The following CEP85L variants were observed in gnomAD, a reference collection of about 807,000 sequenced individuals.
CEP85L encodes centrosomal protein 85L.
CEP85L carries 60 observed loss-of-function variants against 100.3 expected under a neutral mutation model. The observed-to-expected ratio is 0.60, with a 90% CI of 0.49 to 0.74. CEP85L has a LOEUF of 0.74. Ranked by LOEUF, CEP85L falls within the 30% of genes least tolerant of loss-of-function variation. The pLI is 0.00. For missense variants in CEP85L, 973 were observed against 936.2 expected, an observed-to-expected ratio of 1.04 and a Z score of -0.51; for synonymous variants, 319 against 322.7, an observed-to-expected ratio of 0.99 and a Z score of 0.12.
intron 7 of CEP85L, 68 bp downstream of exon 7, chr6:118,483,638 C>G (rs1415569819): frequency 6.8e-7 from 1 of 1,472,694 alleles, no homozygotes; most frequent in African/African-American, 1.4e-5. Flanking sequence ...TTATAGTTAG[C>G]CAAATTTCTA....
intron 1 of CEP85L, among the ~76,000 whole-genome samples, chr6:118,679,559 T>C (rs1264654909): frequency 1.3e-5 from 2 of 152,228 alleles, no homozygotes; most frequent in East Asian, 3.8e-4. Context: ...TTGCCTAACA[T>C]GTCTTAGTCA....
chr6:118,692,237 G>A (rs1341703939), intron 1 of CEP85L, among the ~76,000 whole-genome samples: 7 of 152,158 alleles, frequency 4.6e-5, no homozygotes. Flanking sequence ...TGCAATATAT[G>A]TTAGAGTATT....
At position 118,469,175 on chromosome 6, in the gene CEP85L, C is replaced by A. The variant is rs1772752575; in HGVS notation, c.2151G>T (p.Lys717Asn). 6.2e-7 allele frequency: 1 copy of A among 1,613,906 alleles called. No homozygotes were observed. The highest frequency in any genetic ancestry group is 1.3e-5 in the African/African-American group (1 of 74,914). ...FDLTVIDQLF[K>N]EMSCCLFDLK... is the part of the protein sequence containing the mutation. ...AGTCAAACAAACAACAGGACATTTC[C>A]TTGAACAGCTGATCAATCACAGTCA... is the stretch of plus-strand genomic sequence containing the variant. Residue 717 changes from lysine (K) to asparagine (N), a missense_variant, in exon 12 of 13, where the codon AAG becomes AAT. Physicochemically the swap from Lys to Asn is moderately conservative, Grantham distance 94. This residue lies in a region of CEP85L where 890 missense variants were observed against 844.5 expected (regional missense o/e 1.05). Transcript: ENST00000368491.
At chr6:118,485,693 T>A (rs1774132572) in intron 6 of CEP85L, among the ~76,000 whole-genome samples, 5 of 152,200 alleles carry the variant, frequency 3.3e-5, no homozygotes. Context: ...AGAAGTGGAA[T>A]TTGAATCTAG....
intron 3 of CEP85L, among the ~76,000 whole-genome samples, chr6:118,524,711 G>A (rs1324297689): frequency 6.6e-6 from 1 of 152,200 alleles, no homozygotes; most frequent in Non-Finnish European, 1.5e-5. Flanking sequence ...TTTTCACTCA[G>A]TAGTGAGACA....
intron 5 of CEP85L, among the ~76,000 whole-genome samples, chr6:118,497,171 A>G (rs1258853239): frequency 1.3e-5 from 2 of 152,354 alleles, no homozygotes; most frequent in Middle Eastern, 3.4e-3. Context: ...ACTGCAAATG[A>G]CAGTGGTCTT....
chr6:118,627,417 C>T (rs1055198683), intron 2 of CEP85L, among the ~76,000 whole-genome samples: 4 of 152,114 alleles, frequency 2.6e-5, no homozygotes, highest in Non-Finnish European at 4.4e-5. Context: ...AGTGAAAAAG[C>T]AACAACTCTT....
intron 1 of CEP85L, among the ~76,000 whole-genome samples, chr6:118,642,649 C>T (rs1032536821): frequency 2.6e-5 from 4 of 152,124 alleles, no homozygotes; most frequent in African/African-American, 7.2e-5. Flanking sequence ...CACGGTGGTT[C>T]ACATCTGTAA....
chr6:118,653,991 G>T (rs1031208963), upstream of CEP85L, among the ~76,000 whole-genome samples: 3 of 152,142 alleles, frequency 2.0e-5, no homozygotes, highest in African/African-American at 7.2e-5. Context: ...TCTTAAATTT[G>T]TATATAAATC....
At chr6:118,471,985 C>T (rs1036855082) in intron 10 of CEP85L, among the ~76,000 whole-genome samples, 6 of 151,384 alleles carry the variant, frequency 4.0e-5, no homozygotes, top group African/African-American at 1.5e-4. Context: ...AGATTTGTGA[C>T]GGTTTATTAG....
At chr6:118,538,031 CAA>C (rs1195309580) in intron 3 of CEP85L, 2 of 595,612 alleles carry the variant, frequency 3.4e-6, no homozygotes, top group Non-Finnish European at 2.1e-6. Context: ...CTTTATTCAC[CAA>C]GAGAAGGAAA....
intron 2 of CEP85L, among the ~76,000 whole-genome samples, chr6:118,600,305 GTGTGT>G (rs1781695400): frequency 4.9e-5 from 2 of 40,832 alleles, no homozygotes; most frequent in African/African-American, 1.7e-4. Flanking sequence ...CTGGGGGTGT[GTGTGT>G]GTGTGTGTGT....
intron 2 of CEP85L, among the ~76,000 whole-genome samples, chr6:118,628,068 A>C (rs1773917375): frequency 6.6e-6 from 1 of 151,948 alleles, no homozygotes; most frequent in Non-Finnish European, 1.5e-5. Flanking sequence ...CTCCCCACAC[A>C]CCTTACCACC....
At chr6:118,586,985 G>A (rs1780899013) in intron 2 of CEP85L, among the ~76,000 whole-genome samples, 1 of 152,218 alleles carries the variant, frequency 6.6e-6, no homozygotes, top group South Asian at 2.1e-4. Context: ...GTAAACATGA[G>A]CATTTTACTA....
At chr6:118,503,200 A>T (rs1047004976) in intron 5 of CEP85L, among the ~76,000 whole-genome samples, 3 of 152,230 alleles carry the variant, frequency 2.0e-5, no homozygotes, top group Non-Finnish European at 4.4e-5. Flanking sequence ...CTATATAAGC[A>T]ATCAAAAAAT....
chr6:118,674,250 G>A (rs1776408519), intron 1 of CEP85L, among the ~76,000 whole-genome samples: 1 of 152,222 alleles, frequency 6.6e-6, no homozygotes, highest in Non-Finnish European at 1.5e-5. Context: ...AGTGGGCTGG[G>A]CATGGTGGCT....
chr6:118,603,959 T>TTA (rs1772001684), intron 2 of CEP85L, among the ~76,000 whole-genome samples: 1 of 152,222 alleles, frequency 6.6e-6, no homozygotes, highest in Non-Finnish European at 1.5e-5. Flanking sequence ...ACACAGAATT[T>TTA]TACATAACAA....
intron 10 of CEP85L, among the ~76,000 whole-genome samples, chr6:118,478,776 T>A (rs560966514): frequency 1.1e-3 from 168 of 152,280 alleles, no homozygotes; most frequent in African/African-American, 3.8e-3. Context: ...CATATTTACA[T>A]GTGACTACAG....
chr6:118,661,272 T>A (rs1270070042), intron 1 of CEP85L, among the ~76,000 whole-genome samples: 1 of 152,212 alleles, frequency 6.6e-6, no homozygotes, highest in East Asian at 1.9e-4. Context: ...AAGATGTTCT[T>A]GTAGTTTCAA....
Sources: allele counts gnomAD v4.1 joint callset (sites outside exome capture counted in the v4.1 genomes callset), GRCh38; gene constraint gnomAD v4.1.1; regional missense constraint gnomAD v4.1.1; transcripts MANE v1.5; gene names NCBI Gene and HGNC (gene_info 2026-07-23, HGNC 2026-07-21).